ASXL2: variants seen among roughly 807,000 people sequenced by gnomAD.
The protein encoded by ASXL2 is ASXL transcriptional regulator 2.
ASXL2 carries 23 observed loss-of-function variants against 122.0 expected under a neutral mutation model. That is an observed-to-expected ratio of 0.19 (90% CI 0.14 to 0.27). The LOEUF is 0.27. Ranked by LOEUF, ASXL2 falls within the 10% of genes least tolerant of loss-of-function variation. The pLI, the probability that ASXL2 is intolerant of heterozygous loss-of-function variation, is 1.00. For synonymous variants in ASXL2, 650 were observed against 637.0 expected (o/e 1.02, Z -0.31); for missense variants, 1,518 against 1,713.8 (o/e 0.89, Z 2.02).
chr2:25,827,091 C>T (rs907671170), intron 3 of ASXL2, among the ~76,000 whole-genome samples: 20 of 151,264 alleles, frequency 1.3e-4, no homozygotes, highest in Non-Finnish European at 2.2e-4. Flanking sequence ...TCCCGCTTCA[C>T]CACCCAAAGT....
In ASXL2 at chr2:25,752,928, T is replaced by G. The variant is rs1363422189; in HGVS notation, c.1142+606A>C. ...AGTAACCAGAAGAAAAACCAATCTT[T>G]TCAAAGAAAGGGACTCTTAATTCAA... On this transcript the variant is annotated intron_variant, in intron 11 of 12. Transcript: ENST00000435504. 2.6e-5 allele frequency among the ~76,000 whole-genome samples: 4 copies of G among 151,718 alleles called. No individual in the cohort carries two copies. In the East Asian group the frequency reaches 7.7e-4, roughly 29 times the overall value.
intron 8 of ASXL2, among the ~76,000 whole-genome samples, chr2:25,762,287 C>A (rs2088266876): frequency 7.5e-6 from 1 of 132,800 alleles, no homozygotes; most frequent in Non-Finnish European, 1.6e-5. Flanking sequence ...AAAAAAAAGG[C>A]TACAAGAGAA....
chr2:25,821,221 G>A (rs2089305551), intron 3 of ASXL2, among the ~76,000 whole-genome samples: 1 of 151,970 alleles, frequency 6.6e-6, no homozygotes, highest in African/African-American at 2.4e-5. Flanking sequence ...GCCAGGTGTG[G>A]TGGTGTGTTC....
intron 3 of ASXL2, among the ~76,000 whole-genome samples, chr2:25,816,786 A>C (rs532170804): frequency 6.6e-6 from 1 of 152,336 alleles, no homozygotes; most frequent in African/African-American, 2.4e-5. Context: ...TATGAATGAA[A>C]AATTTTATAT....
chr2:25,857,728 G>T (rs890788278), intron 1 of ASXL2, among the ~76,000 whole-genome samples: 10 of 152,070 alleles, frequency 6.6e-5, no homozygotes, highest in African/African-American at 2.4e-4. Context: ...GCATTCCCCA[G>T]TCATCCAGCT....
In ASXL2 at chr2:25,735,193, T is replaced by C. The variant is rs1197158343; in HGVS notation, c.*6836A>G. The C allele has an allele frequency of 6.6e-6, 1 of 152,200 alleles. No individual in the cohort carries two copies. Among genetic ancestry groups the C allele is most frequent in the Non-Finnish European group, 1.5e-5 (1 of 68,022 alleles). 9.4% of individuals were successfully genotyped at this position (152,200 alleles called of 1,614,324 possible). On this transcript the variant is annotated 3_prime_UTR_variant, in exon 13 of 13. Transcript: ENST00000435504. The stretch of plus-strand genomic sequence containing the variant: ...AGATCTCCTTCCAGGGAATGCCTTT[T>C]TAGGTTAAGGCAGAAAGTTACATGG...
chr2:25,863,376 G>C (rs1316007369), intron 1 of ASXL2, among the ~76,000 whole-genome samples: 1 of 148,554 alleles, frequency 6.7e-6, no homozygotes, highest in African/African-American at 2.5e-5. Context: ...AACTTATCCG[G>C]ACATGAGTTC....
intron 1 of ASXL2, among the ~76,000 whole-genome samples, chr2:25,865,193 G>A (rs2089887557): frequency 6.6e-6 from 1 of 151,618 alleles, no homozygotes; most frequent in Admixed American, 6.6e-5. Flanking sequence ...CACTTTGGGA[G>A]GCTGAAGTGG....
intron 4 of ASXL2, among the ~76,000 whole-genome samples, chr2:25,800,378 A>G (rs1318955802): frequency 1.3e-5 from 2 of 152,216 alleles, no homozygotes; most frequent in East Asian, 3.8e-4. Flanking sequence ...TCTGAATTCA[A>G]TTACAGAGTA....
chr2:25,755,836 G>T (rs1437491575), intron 10 of ASXL2, among the ~76,000 whole-genome samples, 182 bp downstream of exon 10: 3 of 152,232 alleles, frequency 2.0e-5, no homozygotes, highest in Admixed American at 6.5e-5. Flanking sequence ...TCCATGTGGT[G>T]TTAACCTGGT....
chr2:25,769,651 C>T (rs1389325847), intron 6 of ASXL2, among the ~76,000 whole-genome samples: 1 of 149,946 alleles, frequency 6.7e-6, no homozygotes, highest in African/African-American at 2.5e-5. Flanking sequence ...CAACTTTTAA[C>T]TTAAGGTTTT....
At chr2:25,842,707 G>T (rs188411445) in intron 2 of ASXL2, among the ~76,000 whole-genome samples, 7,343 of 147,834 alleles carry the variant, frequency 0.05, 287 homozygotes, top group African/African-American at 0.11. Context: ...TATATATATA[G>T]ATAGATAGAT....
At chr2:25,809,923 C>T (rs2089141956) in intron 3 of ASXL2, 2 of 518,382 alleles carry the variant, frequency 3.9e-6, no homozygotes, top group Non-Finnish European at 7.7e-6. Flanking sequence ...GACTGAGGTG[C>T]TCTACATCTC....
At chr2:25,754,512 T>C (rs1429365687) in intron 10 of ASXL2, among the ~76,000 whole-genome samples, 6 of 152,098 alleles carry the variant, frequency 3.9e-5, no homozygotes, top group Admixed American at 3.9e-4. Context: ...AAAGAGAGAT[T>C]TGGCTGTCAG....
chr2:25,860,339 A>AT (rs1553706714), intron 1 of ASXL2, among the ~76,000 whole-genome samples: 1 of 151,612 alleles, frequency 6.6e-6, no homozygotes, highest in African/African-American at 2.4e-5. Flanking sequence ...GAAACAAAAA[A>AT]ATATATATAT....
chr2:25,777,782 T>G (rs540355385), intron 5 of ASXL2, among the ~76,000 whole-genome samples: 2 of 152,286 alleles, frequency 1.3e-5, no homozygotes, highest in East Asian at 3.9e-4. Flanking sequence ...CTCTCATAAT[T>G]ACTCTCTCTT....
intron 1 of ASXL2, among the ~76,000 whole-genome samples, chr2:25,846,966 C>CT (rs1379080592): frequency 2.0e-5 from 3 of 152,184 alleles, no homozygotes; most frequent in African/African-American, 4.8e-5. Flanking sequence ...GCTATTATAA[C>CT]TATGCTTCAA....
chr2:25,803,841 G>T (rs1279276020), intron 4 of ASXL2, among the ~76,000 whole-genome samples: 2 of 152,172 alleles, frequency 1.3e-5, no homozygotes, highest in African/African-American at 4.8e-5. Context: ...TTCCTAACGG[G>T]CCACAGACTG....
At chr2:25,787,728 C>A (rs2088771259) in intron 5 of ASXL2, among the ~76,000 whole-genome samples, 1 of 152,142 alleles carries the variant, frequency 6.6e-6, no homozygotes, top group Admixed American at 6.5e-5. Context: ...AAATCCATAG[C>A]ATTAATGAAC....
Sources: gnomAD v4.1 joint callset for allele counts (sites outside exome capture counted in the v4.1 genomes callset) on GRCh38, gnomAD v4.1.1 for gene constraint, MANE v1.5 for transcripts, NCBI Gene and HGNC (gene_info 2026-07-23, HGNC 2026-07-21) for gene names.